Variants in GRID1 observed in about 807,000 individuals in gnomAD.
The protein encoded by GRID1 is glutamate receptor ionotropic, delta-1.
Under a neutral mutation model 98.0 loss-of-function variants are expected in GRID1, and 28 were observed. The ratio of observed to expected loss-of-function variants is 0.29; its 90% confidence interval spans 0.21 to 0.39. GRID1 has a LOEUF of 0.39. Among genes scored for constraint, GRID1 ranks in the 10% least tolerant of loss-of-function variants. The pLI is 1.00. For missense variants in GRID1, 1,111 were observed against 1,340.5 expected, an observed-to-expected ratio of 0.83 and a Z score of 2.67; for synonymous variants, 553 against 538.5, an observed-to-expected ratio of 1.03 and a Z score of -0.37.
At chr10:85,835,257 A>G (rs1324219010) in intron 8 of GRID1, among the ~76,000 whole-genome samples, 1 of 152,216 alleles carries the variant, frequency 6.6e-6, no homozygotes, top group Non-Finnish European at 1.5e-5. Context: ...CCATCTCGGC[A>G]TCTGATAGAA....
At chr10:85,949,746 T>C (rs1459241684) in intron 4 of GRID1, among the ~76,000 whole-genome samples, 2 of 152,220 alleles carry the variant, frequency 1.3e-5, no homozygotes, top group African/African-American at 4.8e-5. Context: ...TTTATAGATA[T>C]ATTGCCGGGA....
chr10:86,270,732 C>G (rs986906601), intron 2 of GRID1, among the ~76,000 whole-genome samples: 1 of 151,820 alleles, frequency 6.6e-6, no homozygotes, highest in Non-Finnish European at 1.5e-5. Context: ...ACTTCTGCTT[C>G]TAACCCAGCT....
intron 4 of GRID1, among the ~76,000 whole-genome samples, chr10:85,961,937 CAAAGGAGGG>C (rs1241720953): frequency 6.8e-6 from 1 of 146,096 alleles, no homozygotes; most frequent in Non-Finnish European, 1.5e-5. Context: ...AAGAAAAGAA[CAAAGGAGGG>C]AAGGAAGGGA....
chr10:85,774,400 A>G (rs1842307426), intron 8 of GRID1, among the ~76,000 whole-genome samples: 1 of 152,220 alleles, frequency 6.6e-6, no homozygotes, highest in South Asian at 2.1e-4. Context: ...ATTACCATTC[A>G]GGACATAGGC....
intron 4 of GRID1, among the ~76,000 whole-genome samples, chr10:86,053,357 T>TG (rs1308662868): frequency 1.7e-5 from 2 of 116,360 alleles, no homozygotes; most frequent in Non-Finnish European, 4.1e-5. Flanking sequence ...CATTTTTTTT[T>TG]GTTTTTTTGT....
intron 4 of GRID1, among the ~76,000 whole-genome samples, chr10:85,918,406 C>T (rs1222920721): frequency 6.6e-6 from 1 of 151,462 alleles, no homozygotes; most frequent in Non-Finnish European, 1.5e-5. Context: ...TGCCCCTTCC[C>T]GTCTCCCAAG....
intron 8 of GRID1, among the ~76,000 whole-genome samples, chr10:85,822,001 T>G: frequency 6.6e-6 from 1 of 152,336 alleles, no homozygotes; most frequent in East Asian, 1.9e-4. Flanking sequence ...AAGCTGAAAC[T>G]GGATCCCTTC....
rs925410508 is a variant in GRID1, at chr10:86,039,031, G to A, written c.726+99788C>T. Among the ~76,000 whole-genome samples, 7 of 152,080 alleles carry A rather than the reference G, an allele frequency of 4.6e-5. No homozygotes were observed. The East Asian group carries it at 5.8e-4, about 13-fold the overall frequency. Reference sequence around the variant, plus strand: ...CACCCCTATTCTCTTCCACCTCTACGGTATATCCCTACCACCACTTCTTTC... The same window carrying A: ...CACCCCTATTCTCTTCCACCTCTACAGTATATCCCTACCACCACTTCTTTC... On this transcript the variant is annotated intron_variant, in intron 4 of 15. Coordinates refer to ENST00000327946, the MANE Select transcript of GRID1 (RefSeq NM_017551.3).
intron 8 of GRID1, among the ~76,000 whole-genome samples, chr10:85,743,109 C>CCCA (rs1564577032): frequency 7.8e-6 from 1 of 127,810 alleles, no homozygotes. Flanking sequence ...TATGCAGCCC[C>CCCA]CCCCCCCACC....
At chr10:86,188,574 C>G (rs1255795840) in intron 3 of GRID1, among the ~76,000 whole-genome samples, 3 of 152,138 alleles carry the variant, frequency 2.0e-5, no homozygotes, top group African/African-American at 7.2e-5. Context: ...GGAAGAATGC[C>G]AGAGGGCTGG....
chr10:85,739,740 A>G (rs941948342), intron 8 of GRID1, among the ~76,000 whole-genome samples: 2 of 152,224 alleles, frequency 1.3e-5, no homozygotes, highest in African/African-American at 4.8e-5. Context: ...AGGGTTTAGG[A>G]AGAATATAAG....
intron 12 of GRID1, among the ~76,000 whole-genome samples, chr10:85,684,602 A>G (rs1841247785): frequency 6.6e-6 from 1 of 152,220 alleles, no homozygotes; most frequent in South Asian, 2.1e-4. Context: ...TTAGTAATGG[A>G]TATCTGTAAA....
intron 3 of GRID1, among the ~76,000 whole-genome samples, chr10:86,166,759 C>T (rs1845405034): frequency 6.6e-6 from 1 of 152,170 alleles, no homozygotes. Context: ...ATGCAGTTCC[C>T]CTCAGTCCTC....
In GRID1 at chr10:86,366,728, G is replaced by A. The variant is rs964272490; in HGVS notation, c.-336C>T. On this transcript the variant is annotated 5_prime_UTR_variant, in exon 1 of 16. Transcript: ENST00000327946. This position sits in a 1 kb window ranked among gnomAD's most constrained non-coding sequence, Gnocchi z 4.1. ...CTTCGGGGGAGGCTGAGGCGGTGGC[G>A]GCGGCGGCCGGGCCGGCGTGGCGGC... 3.3e-5 allele frequency among the ~76,000 whole-genome samples: 5 copies of A among 150,238 alleles called. No individual in the cohort carries two copies. The East Asian group carries it at 9.8e-4, about 29-fold the overall frequency.
intron 8 of GRID1, among the ~76,000 whole-genome samples, chr10:85,747,263 C>A (rs147711170): frequency 2.6e-5 from 4 of 151,872 alleles, no homozygotes; most frequent in African/African-American, 9.7e-5. Flanking sequence ...ATAGGCATTT[C>A]GTTATTTAAT....
chr10:85,674,648 G>C (rs1841123964), intron 12 of GRID1, among the ~76,000 whole-genome samples: 1 of 151,938 alleles, frequency 6.6e-6, no homozygotes, highest in Admixed American at 6.6e-5. Flanking sequence ...ATTTTGTGGT[G>C]CCATATCACC....
At chr10:86,363,054 G>A (rs1384281524) in intron 2 of GRID1, among the ~76,000 whole-genome samples, 1 of 152,292 alleles carries the variant, frequency 6.6e-6, no homozygotes, top group Non-Finnish European at 1.5e-5. Flanking sequence ...CAGAGGCGGA[G>A]CCTTAGGCCT....
At chr10:85,809,486 C>T (rs1053060312) in intron 8 of GRID1, among the ~76,000 whole-genome samples, 3 of 152,026 alleles carry the variant, frequency 2.0e-5, no homozygotes, top group African/African-American at 7.3e-5. Context: ...TTAAAAGCAG[C>T]TAGACAAAAA....
chr10:86,097,564 T>C (rs1215692014), intron 4 of GRID1, among the ~76,000 whole-genome samples: 1 of 152,170 alleles, frequency 6.6e-6, no homozygotes, highest in African/African-American at 2.4e-5. Flanking sequence ...CTATCTATAA[T>C]CTATCTATCT....
Sources: gnomAD v4.1 joint callset for allele counts (sites outside exome capture counted in the v4.1 genomes callset) on GRCh38, gnomAD v4.1.1 for gene constraint, Gnocchi (gnomAD v3.1) non-coding constraint, MANE v1.5 for transcripts, NCBI Gene and HGNC (gene_info 2026-07-23, HGNC 2026-07-21) for gene names.